Variants in ASCC3 observed in about 807,000 individuals in gnomAD.
ASCC3 encodes ASC-1 complex subunit P200.
In ASCC3, 158 loss-of-function variants were observed where a neutral mutation model predicts 256.3. That is an observed-to-expected ratio of 0.62 (90% CI 0.54 to 0.70). The LOEUF is 0.70. Ranked by LOEUF, ASCC3 falls within the 30% of genes least tolerant of loss-of-function variation. The pLI, the probability that ASCC3 is intolerant of heterozygous loss-of-function variation, is 0.00. For synonymous variants in ASCC3, 948 were observed against 883.4 expected, an observed-to-expected ratio of 1.07 and a Z score of -1.30; for missense variants, 2,259 against 2,626.0, an observed-to-expected ratio of 0.86 and a Z score of 3.05.
intron 10 of ASCC3, among the ~76,000 whole-genome samples, chr6:100,744,486 A>G (rs1438301631): frequency 2.0e-5 from 3 of 152,204 alleles, no homozygotes; most frequent in Non-Finnish European, 4.4e-5. Context: ...ATAGGATAAC[A>G]TCAAAATTAA....
intron 10 of ASCC3, among the ~76,000 whole-genome samples, chr6:100,747,471 A>G (rs1287099054): frequency 6.6e-6 from 1 of 152,118 alleles, no homozygotes; most frequent in African/African-American, 2.4e-5. Context: ...GTCAAAAACT[A>G]GAAGCAAGCC....
intron 37 of ASCC3, among the ~76,000 whole-genome samples, chr6:100,527,338 T>C (rs1350813905): frequency 6.6e-6 from 1 of 152,182 alleles, no homozygotes. Flanking sequence ...TTATAAGCAT[T>C]TAAAAATTTG....
At chr6:100,764,138 T>C (rs959912194) in intron 10 of ASCC3, among the ~76,000 whole-genome samples, 2 of 152,184 alleles carry the variant, frequency 1.3e-5, no homozygotes, top group African/African-American at 2.4e-5. Context: ...ATCAGTAACA[T>C]AGTTGGATAT....
intron 37 of ASCC3, among the ~76,000 whole-genome samples, chr6:100,518,739 C>T (rs1208337312): frequency 6.6e-6 from 1 of 152,044 alleles, no homozygotes; most frequent in Admixed American, 6.6e-5. Context: ...GTTTTATGGA[C>T]AAACAAAAGG....
intron 36 of ASCC3, among the ~76,000 whole-genome samples, chr6:100,541,456 G>C (rs1278960353): frequency 6.6e-6 from 1 of 152,194 alleles, no homozygotes; most frequent in South Asian, 2.1e-4. Flanking sequence ...GGTGTAGTGA[G>C]AGAGAATCCA....
rs546437284 is a variant in ASCC3, at chr6:100,738,630, A to G, written c.1738-12927T>C. Among the ~76,000 whole-genome samples the G allele has an allele frequency of 3.2e-4, 49 of 152,286 alleles. No individual in the cohort carries two copies. In the Middle Eastern group the frequency reaches 0.01, roughly 32 times the overall value. Reference sequence around the variant, plus strand: ...TTTGGTTGCTGTAGCTTTGTAGTACAGTTTAAAGTCAGGTAGCACGATGCC... The same window carrying G: ...TTTGGTTGCTGTAGCTTTGTAGTACGGTTTAAAGTCAGGTAGCACGATGCC... On this transcript the variant is annotated intron_variant, in intron 10 of 41. Transcript: ENST00000369162.
chr6:100,567,797 T>C (rs1010358222), intron 36 of ASCC3, among the ~76,000 whole-genome samples: 1 of 152,212 alleles, frequency 6.6e-6, no homozygotes, highest in Admixed American at 6.5e-5. Flanking sequence ...CAATCCACTG[T>C]TCATGGGCAC....
At chr6:100,642,138 A>T (rs1775154313) in intron 24 of ASCC3, among the ~76,000 whole-genome samples, 1 of 151,856 alleles carries the variant, frequency 6.6e-6, no homozygotes, top group African/African-American at 2.4e-5. Context: ...CATTGTGCAC[A>T]TGTACCCTAA....
chr6:100,800,570 C>A, intron 5 of ASCC3, 66 bp from the exon 6 acceptor site: 1 of 1,224,768 alleles, frequency 8.2e-7, no homozygotes, highest in Non-Finnish European at 1.2e-6. Context: ...TTCATGAAAA[C>A]CATTTCTTTC....
chr6:100,748,737 T>A (rs1328809616), intron 10 of ASCC3, among the ~76,000 whole-genome samples: 1 of 152,030 alleles, frequency 6.6e-6, no homozygotes, highest in Non-Finnish European at 1.5e-5. Flanking sequence ...TTGAAAATAA[T>A]CTTAATCTTA....
Position 100,715,532 on chromosome 6 carries a change from A to C in ASCC3, c.2081T>G (p.Met694Arg). ...TFLGIKCANK[M>R]QQLNNMDEVC... ...TTCATCCATGTTATTCAACTGCTGC[A>C]TCTTGAAGATTTTAAAACATAAAAA... is the stretch of plus-strand genomic sequence containing the variant. The change falls in exon 13 of 42, where the codon ATG (methionine) becomes AGG (arginine). Residue 694 changes from methionine to arginine, a missense_variant and splice_region_variant. By Grantham distance (91) the Met-to-Arg change is moderately conservative. This residue lies in a region of ASCC3 where 1,839 missense variants were observed against 2,206.7 expected (regional missense o/e 0.83). Coordinates refer to ENST00000369162, the MANE Select transcript of ASCC3 (RefSeq NM_006828.4). 11 of 1,608,250 alleles carry C rather than the reference A, an allele frequency of 6.8e-6. No individual in the cohort carries two copies. Among genetic ancestry groups the C allele is most frequent in the Non-Finnish European group, 9.4e-6 (11 of 1,176,066 alleles).
Position 100,868,728 on chromosome 6 carries a change from T to G in ASCC3, c.-41-690A>C, listed in dbSNP as rs9498413. 4.8e-3 allele frequency among the ~76,000 whole-genome samples: 736 copies of G among 152,198 alleles called. 9 individuals carry two copies. The highest frequency in any genetic ancestry group is 0.017 in the African/African-American group (712 of 41,520). ...GAACCAGAATATTTTTGGTACTCAA[T>G]AAGTATCTGTTAATGAATAAATGGA... On this transcript the variant is annotated intron_variant, in intron 1 of 41. Coordinates refer to ENST00000369162, the MANE Select transcript of ASCC3 (RefSeq NM_006828.4).
intron 10 of ASCC3, among the ~76,000 whole-genome samples, chr6:100,738,467 A>C (rs1332212516): frequency 6.6e-6 from 1 of 152,190 alleles, no homozygotes; most frequent in Non-Finnish European, 1.5e-5. Flanking sequence ...CATTTATTAA[A>C]TAGGGAATCC....
intron 37 of ASCC3, chr6:100,531,061 G>C: frequency 6.8e-7 from 1 of 1,470,478 alleles, no homozygotes. Context: ...AGCACTAAAG[G>C]AATCTTCTAG....
At chr6:100,726,373 C>T (rs1304467126) in intron 10 of ASCC3, among the ~76,000 whole-genome samples, 2 of 152,010 alleles carry the variant, frequency 1.3e-5, no homozygotes, top group East Asian at 3.9e-4. Context: ...ACAAACGTGG[C>T]CATCTACCTC....
chr6:100,692,247 T>G (rs935316369), intron 13 of ASCC3, among the ~76,000 whole-genome samples: 2 of 152,090 alleles, frequency 1.3e-5, no homozygotes, highest in African/African-American at 4.8e-5. Flanking sequence ...CAGTTCTCAA[T>G]GCTGTTTTTC....
intron 36 of ASCC3, among the ~76,000 whole-genome samples, chr6:100,587,876 C>T (rs1006990325): frequency 2.6e-5 from 4 of 152,110 alleles, no homozygotes; most frequent in African/African-American, 7.2e-5. Flanking sequence ...GTTTAATTCC[C>T]CTGGGATTTT....
At chr6:100,670,572 C>G (rs1041264584) in intron 14 of ASCC3, among the ~76,000 whole-genome samples, 6 of 124,142 alleles carry the variant, frequency 4.8e-5, no homozygotes, top group South Asian at 6.8e-4. Context: ...TCTTCCCCCC[C>G]CCCAAATTCT....
At chr6:100,728,155 T>C (rs1386194232) in intron 10 of ASCC3, among the ~76,000 whole-genome samples, 2 of 151,952 alleles carry the variant, frequency 1.3e-5, no homozygotes, top group Non-Finnish European at 1.5e-5. Context: ...GTGCTTAATA[T>C]GCAGTTAACA....
Sources: gnomAD v4.1 joint callset for allele counts (sites outside exome capture counted in the v4.1 genomes callset) on GRCh38, gnomAD v4.1.1 for gene constraint, gnomAD v4.1.1 regional missense constraint, MANE v1.5 for transcripts, NCBI Gene and HGNC (gene_info 2026-07-23, HGNC 2026-07-21) for gene names.